Variants in CCDC61 observed in about 807,000 individuals in gnomAD.
CCDC61 encodes centrosomal protein CCDC61.
Under a neutral mutation model 63.0 loss-of-function variants are expected in CCDC61, and 55 were observed. That is an observed-to-expected ratio of 0.87 (90% CI 0.70 to 1.09). The LOEUF (loss-of-function observed/expected upper bound fraction) is 1.09. Ranked by LOEUF, CCDC61 falls within the 50% of genes least tolerant of loss-of-function variation. The pLI is 0.00. For synonymous variants in CCDC61, 270 were observed against 317.0 expected (o/e 0.85, Z 1.58); for missense variants, 651 against 731.4 (o/e 0.89, Z 1.27).
intron 5 of CCDC61, among the ~76,000 whole-genome samples, chr19:46,009,393 G>A (rs759625): frequency 0.41 from 61,824 of 151,982 alleles, 13,075 homozygotes; most frequent in Middle Eastern, 0.47. Flanking sequence ...AGTAACTAAT[G>A]TTTATTGAAC....
In CCDC61 at chr19:46,008,110, G is replaced by A. The variant is rs1343855249; in HGVS notation, c.390-30G>A. 4.4e-6 allele frequency: 7 copies of A among 1,574,398 alleles called. 2 individuals are homozygous for A. The South Asian group carries it at 8.1e-5, about 18-fold the overall frequency. On this transcript the variant is annotated intron_variant, in intron 4 of 13. Transcript: ENST00000595358. The stretch of plus-strand genomic sequence containing the variant: ...CCTCAGGTGCATTCTTGGCCTCTGA[G>A]ATGCCACGGTTTTAATCCTCCCTCC...
chr19:46,008,555 C>T (rs1042040810), intron 5 of CCDC61, among the ~76,000 whole-genome samples: 15 of 152,248 alleles, frequency 9.9e-5, no homozygotes, highest in East Asian at 7.7e-4. Context: ...ATTACAGGCA[C>T]GCGCCACCAT....
chr19:46,006,089 C>G lies in CCDC61; in HGVS notation c.232-470C>G, dbSNP rs1211051370. ...TTGTTTATTTCTCTTCCCCAGCCCC[C>G]CACTGAGACTGGGGAGATACAATAA... On this transcript the variant is annotated intron_variant, in intron 3 of 13. Coordinates refer to ENST00000595358, the MANE Select transcript of CCDC61 (RefSeq NM_001267723.2). Among the ~76,000 whole-genome samples the G allele has an allele frequency of 2.6e-5, 4 of 152,332 alleles. No individual in the cohort carries two copies. In the East Asian group the frequency reaches 7.7e-4, roughly 29 times the overall value.
At position 46,016,693 on chromosome 19, in the gene CCDC61, GGCA is replaced by G. The variant is rs772312800; in HGVS notation, c.1100_1102del (p.Gln367del). 3 of 1,611,976 alleles carry G rather than the reference GGCA, an allele frequency of 1.9e-6. No homozygotes were observed. Among genetic ancestry groups the G allele is most frequent in the East Asian group, 2.2e-5 (1 of 44,876 alleles). Reference sequence around the variant, plus strand: ...CCGGCGTCTCCTTTCTTTTTTCCCAGGCAGCAGCAGCGGAACCGCTTAGGCAGT... The same window carrying G: ...CCGGCGTCTCCTTTCTTTTTTCCCAGGCAGCAGCGGAACCGCTTAGGCAGT... On this transcript the variant is annotated inframe_deletion and splice_region_variant, in exon 10 of 14. Transcript: ENST00000595358. The surrounding 1 kb of genome is among the most constrained non-coding windows in gnomAD (Gnocchi z 7.2).
chr19:46,006,719 G>C lies in CCDC61; in HGVS notation c.389+3G>C. The C allele has an allele frequency of 1.2e-6, 2 of 1,600,398 alleles. No individual in the cohort carries two copies. The highest frequency in any genetic ancestry group is 1.7e-5 in the Admixed American group (1 of 59,426). On this transcript the variant is annotated splice_donor_region_variant and intron_variant, in intron 4 of 13. Coordinates refer to ENST00000595358, the MANE Select transcript of CCDC61 (RefSeq NM_001267723.2). The stretch of plus-strand genomic sequence containing the variant: ...ATCTACTCCGTGGAGTTTGACAGGT[G>C]GGGAGAAGGGTCTGGCTCCAGGGCC...
At chr19:45,998,602 C>T (rs930680093) in intron 1 of CCDC61, among the ~76,000 whole-genome samples, 1 of 152,142 alleles carries the variant, frequency 6.6e-6, no homozygotes, top group Non-Finnish European at 1.5e-5. Context: ...TCCCTGGCAT[C>T]TCCCGTTAAA....
chr19:46,015,292 G>T lies in CCDC61; in HGVS notation c.762+33G>T, dbSNP rs1968905603. 7 of 1,560,150 alleles carry T rather than the reference G, an allele frequency of 4.5e-6. No individual in the cohort carries two copies. The highest frequency in any genetic ancestry group is 6.0e-6 in the Non-Finnish European group (7 of 1,162,516). On this transcript the variant is annotated intron_variant, in intron 6 of 13. Coordinates refer to ENST00000595358, the MANE Select transcript of CCDC61 (RefSeq NM_001267723.2). This position sits in a 1 kb window ranked among gnomAD's most constrained non-coding sequence, Gnocchi z 5.3. ...GCGGGGGCCCGGGGCGGCCAGCGAG[G>T]CGCGGACCTCGGCCTCAGCCTGGAC...
rs1968939240 is a variant in CCDC61 at position 46,016,481 on chromosome 19, C to T, written c.1091+88C>T. On this transcript the variant is annotated intron_variant, in intron 9 of 13. Transcript: ENST00000595358. This position sits in a 1 kb window ranked among gnomAD's most constrained non-coding sequence, Gnocchi z 7.2. ...ATCTCTCCACGCCACCATCAGTCTC[C>T]ATCCCCTGCCACCTGCTCGCTTCTC... is the stretch of plus-strand genomic sequence containing the variant. The T allele has an allele frequency of 6.7e-7, 1 of 1,493,388 alleles. No homozygotes were observed. The highest frequency in any genetic ancestry group is 1.4e-5 in the African/African-American group (1 of 72,608). 92.5% of individuals were successfully genotyped at this position (1,493,388 alleles called of 1,614,324 possible).
chr19:46,010,453 G>C (rs555520390), intron 5 of CCDC61, among the ~76,000 whole-genome samples: 1 of 152,208 alleles, frequency 6.6e-6, no homozygotes, highest in Non-Finnish European at 1.5e-5. Context: ...TGGGAGAGCG[G>C]AGAACGTCAG....
Position 46,015,133 on chromosome 19 carries a change from A to T in CCDC61, c.636A>T (p.Ala212=), listed in dbSNP as rs1321743274. 8.6e-6 allele frequency: 11 copies of T among 1,286,496 alleles called. No homozygotes were observed. In the East Asian group the frequency reaches 3.5e-4, roughly 41 times the overall value. The allele number at this position is 1,286,496 out of a possible 1,614,324, so 79.7% of individuals were successfully genotyped here. ...SREEALAGRA[A]RQEAEALRGL... ...AGGAGGCGCTGGCCGGGCGCGCGGC[A>T]CGCCAGGAGGCCGAGGCGCTGCGCG... Residue 212 remains alanine (A), a synonymous_variant, in exon 6 of 14, where the codon GCA becomes GCT. Transcript: ENST00000595358. The surrounding 1 kb of genome is among the most constrained non-coding windows in gnomAD (Gnocchi z 5.3).
At chr19:46,017,563 G>T (rs1968971774) in intron 12 of CCDC61, among the ~76,000 whole-genome samples, 1 of 151,826 alleles carries the variant, frequency 6.6e-6, no homozygotes, top group South Asian at 2.1e-4. Flanking sequence ...GGGCAGGGTG[G>T]GGTTGAGACA....
chr19:46,005,692 A>C (rs974873876), intron 3 of CCDC61, among the ~76,000 whole-genome samples: 2 of 151,962 alleles, frequency 1.3e-5, no homozygotes, highest in African/African-American at 4.8e-5. Context: ...ACATCCTGTT[A>C]GCTGTTTTTC....
At chr19:45,995,983 T>G (rs1187109288) in intron 1 of CCDC61, among the ~76,000 whole-genome samples, 1 of 152,218 alleles carries the variant, frequency 6.6e-6, no homozygotes, top group Non-Finnish European at 1.5e-5. Context: ...GTTTGCTATG[T>G]GCTGTGCACC....
At chr19:45,995,547 G>C in intron 1 of CCDC61, 43 bp downstream of exon 1, 1 of 485,426 alleles carries the variant, frequency 2.1e-6, no homozygotes, top group South Asian at 1.5e-5. Flanking sequence ...CCGTGGTGGA[G>C]GTCTTAGGTG....
intron 1 of CCDC61, among the ~76,000 whole-genome samples, chr19:45,999,227 C>T (rs575813704): frequency 2.0e-5 from 3 of 151,970 alleles, no homozygotes; most frequent in Non-Finnish European, 2.9e-5. Context: ...CAGTGTGCAC[C>T]GTAGAGATTT....
Position 46,017,278 on chromosome 19 carries a change from C to A in CCDC61, c.1342C>A (p.Pro448Thr), listed in dbSNP as rs748070579. Residue 448 changes from proline (P) to threonine (T), a missense_variant, in exon 12 of 14, where the codon CCA becomes ACA. Physicochemically the swap from Pro to Thr is conservative, Grantham distance 38. Coordinates refer to ENST00000595358, the MANE Select transcript of CCDC61 (RefSeq NM_001267723.2). ...GHRRRGKPPS[P>T]TPWSGSNMKS... ...CCGCCGCCGTGGGAAGCCTCCCAGCCCAACGCCCTGGAGTGGGTCCAATAT... is the reference window on the plus strand; with the variant it reads ...CCGCCGCCGTGGGAAGCCTCCCAGCACAACGCCCTGGAGTGGGTCCAATAT... 7.7e-6 allele frequency: 12 copies of A among 1,566,608 alleles called. No individual in the cohort carries two copies. Among genetic ancestry groups the A allele is most frequent in the African/African-American group, 1.4e-5 (1 of 73,822 alleles).
chr19:46,015,098 C>A lies in CCDC61; in HGVS notation c.601C>A (p.Arg201=), dbSNP rs1457490848. ...EKRELEAQLG[R]SREEALAGRA... is the part of the protein sequence containing the mutation. The stretch of plus-strand genomic sequence containing the variant: ...GCGGGAGCTGGAGGCGCAGCTGGGC[C>A]GATCGCGCGAGGAGGCGCTGGCCGG... Residue 201 remains arginine (R), a synonymous_variant, in exon 6 of 14, where the codon CGA becomes AGA. Transcript: ENST00000595358. This position sits in a 1 kb window ranked among gnomAD's most constrained non-coding sequence, Gnocchi z 5.3. 8 of 1,375,878 alleles carry A rather than the reference C, an allele frequency of 5.8e-6. No individual in the cohort carries two copies. The East Asian group carries it at 2.5e-4, about 42-fold the overall frequency. 85.2% of individuals were successfully genotyped at this position (1,375,878 alleles called of 1,614,324 possible).
At chr19:45,996,350 A>T (rs962913563) in intron 1 of CCDC61, 9 of 150,898 alleles carry the variant, frequency 6.0e-5, no homozygotes, top group African/African-American at 1.7e-4. Context: ...CAATCTTGCG[A>T]TTTCTTCCTT....
intron 12 of CCDC61, among the ~76,000 whole-genome samples, 153 bp from the exon 13 acceptor site, chr19:46,017,925 A>G (rs1600657537): frequency 6.6e-6 from 1 of 152,068 alleles, no homozygotes; most frequent in South Asian, 2.1e-4. Context: ...CTGTGAGGAC[A>G]TTAGGAGGTT....
Sources: gnomAD v4.1 joint callset for allele counts (sites outside exome capture counted in the v4.1 genomes callset) on GRCh38, gnomAD v4.1.1 for gene constraint, Gnocchi (gnomAD v3.1) non-coding constraint, MANE v1.5 for transcripts, NCBI Gene and HGNC (gene_info 2026-07-23, HGNC 2026-07-21) for gene names.